The following RBM38 variants were observed in gnomAD, a reference collection of about 807,000 sequenced individuals.
RBM38 encodes the protein RNA-binding protein 38.
A neutral mutation model predicts 23.5 loss-of-function variants in RBM38; 11 were observed. The ratio of observed to expected loss-of-function variants is 0.47; its 90% confidence interval spans 0.29 to 0.77. The LOEUF (loss-of-function observed/expected upper bound fraction) is 0.77, where lower values mean the gene tolerates loss of function less well. Ranked by LOEUF, RBM38 falls within the 30% of genes least tolerant of loss-of-function variation. The pLI, the probability that RBM38 is intolerant of heterozygous loss-of-function variation, is 0.08. For synonymous variants in RBM38, 165 were observed against 166.1 expected (o/e 0.99, Z 0.05); for missense variants, 330 against 351.9 (o/e 0.94, Z 0.50).
intron 1 of RBM38, chr20:57,392,314 G>C (rs2067228116): frequency 1.2e-6 from 1 of 857,668 alleles, no homozygotes; most frequent in African/African-American, 1.7e-5. Context: ...CTTCTCAGAG[G>C]AAAGTCTCGG....
At chr20:57,404,825 G>A (rs1600757737) in intron 3 of RBM38, among the ~76,000 whole-genome samples, 2 of 152,256 alleles carry the variant, frequency 1.3e-5, no homozygotes, top group African/African-American at 2.4e-5. Flanking sequence ...AAGGGCTCCA[G>A]GCAGAGGCAT....
rs984276113 is a variant in RBM38, at chr20:57,408,417, C to G, written c.*571C>G. On this transcript the variant is annotated 3_prime_UTR_variant, in exon 4 of 4. Transcript: ENST00000356208. Reference sequence around the variant, plus strand: ...GGCTTCCTCAAGCCCGGAGGAGCTCCCAGGCGCACAGGGGCCGCCGGTAAC... The same window carrying G: ...GGCTTCCTCAAGCCCGGAGGAGCTCGCAGGCGCACAGGGGCCGCCGGTAAC... The G allele has an allele frequency of 6.5e-6, 1 of 154,612 alleles. No homozygotes were observed. The highest frequency in any genetic ancestry group is 2.4e-5 in the African/African-American group (1 of 41,488). The allele number at this position is 154,612 out of a possible 1,614,324, so 9.6% of individuals were successfully genotyped here.
chr20:57,407,173 T>C lies in RBM38; in HGVS notation c.417-370T>C, dbSNP rs535015612. ...CCAGGACATTCGTACCGGGCCCTGC[T>C]CTTGATCGCATGCTCCGCCGTCGTG... On this transcript the variant is annotated intron_variant, in intron 3 of 3. Transcript: ENST00000356208. The surrounding 1 kb of genome is among the most constrained non-coding windows in gnomAD (Gnocchi z 4.0). 3.3e-5 allele frequency among the ~76,000 whole-genome samples: 5 copies of C among 152,228 alleles called. No homozygotes were observed. The East Asian group carries it at 9.7e-4, about 29-fold the overall frequency.
At chr20:57,402,638 TGTGA>T (rs1420189941) in intron 3 of RBM38, among the ~76,000 whole-genome samples, 2 of 152,238 alleles carry the variant, frequency 1.3e-5, no homozygotes, top group Non-Finnish European at 2.9e-5. Flanking sequence ...GAGCATGGCG[TGTGA>T]GTGGGGATGC....
In RBM38 at chr20:57,408,076, G is replaced by C. The variant is rs1838237734; in HGVS notation, c.*230G>C. 1.7e-6 allele frequency: 1 copy of C among 602,096 alleles called. No individual in the cohort carries two copies. The highest frequency in any genetic ancestry group is 2.9e-6 in the Non-Finnish European group (1 of 342,394). The allele number at this position is 602,096 out of a possible 1,614,324, so 37.3% of individuals were successfully genotyped here. A position where few individuals can be genotyped will look rare whatever the true frequency, so the allele number is the denominator to read the frequency against. ...GAGGGAGGACTTTAAGAATGACTGA[G>C]AACTATTTAAAGACGCAATCCCAGG... is the stretch of plus-strand genomic sequence containing the variant. On this transcript the variant is annotated 3_prime_UTR_variant, in exon 4 of 4. Transcript: ENST00000356208.
intron 3 of RBM38, among the ~76,000 whole-genome samples, chr20:57,402,105 G>A (rs1211839396): frequency 1.3e-5 from 2 of 152,102 alleles, no homozygotes; most frequent in African/African-American, 2.4e-5. Flanking sequence ...GCACCACCAC[G>A]CCCAGCTATT....
chr20:57,392,459 G>A, intron 1 of RBM38, 195 bp from the exon 2 acceptor site: 1 of 1,532,990 alleles, frequency 6.5e-7, no homozygotes, highest in Non-Finnish European at 8.7e-7. Context: ...GGAGGAGCTG[G>A]AATCCAGGAG....
In RBM38 at chr20:57,397,904, G is replaced by A. The variant is rs2067290647; in HGVS notation, c.416+4571G>A. ...AAGCTGGCGGAATGAGTGCCTGCGT[G>A]GGGACGGAACAGTTCCGCGTCTCGA... On this transcript the variant is annotated intron_variant, in intron 3 of 3. Transcript: ENST00000356208. Among the ~76,000 whole-genome samples, 5 of 152,236 alleles carry A rather than the reference G, an allele frequency of 3.3e-5. No individual in the cohort carries two copies. In the South Asian group the frequency reaches 6.2e-4, roughly 19 times the overall value.
intron 3 of RBM38, chr20:57,399,842 G>A: frequency 2.2e-6 from 1 of 455,676 alleles, no homozygotes; most frequent in East Asian, 6.9e-5. Context: ...AAGAGCTGCG[G>A]TCCGTCTCTG....
rs570074191 is a variant in RBM38, at chr20:57,402,152, G to A, written c.417-5391G>A. ...AGTAGAGATGGGGTTTCACCGTGTTGGCCAGGATGGTCTCAATCTCCTGAC... is the reference window on the plus strand; with the variant it reads ...AGTAGAGATGGGGTTTCACCGTGTTAGCCAGGATGGTCTCAATCTCCTGAC... On this transcript the variant is annotated intron_variant, in intron 3 of 3. Coordinates refer to ENST00000356208, the MANE Select transcript of RBM38 (RefSeq NM_017495.6). Among the ~76,000 whole-genome samples the A allele has an allele frequency of 5.3e-5, 8 of 152,116 alleles. No individual in the cohort carries two copies. In the South Asian group the frequency reaches 1.7e-3, roughly 32 times the overall value.
chr20:57,402,725 G>A (rs1486087036), intron 3 of RBM38, among the ~76,000 whole-genome samples: 1 of 152,264 alleles, frequency 6.6e-6, no homozygotes, highest in Non-Finnish European at 1.5e-5. Context: ...CGGCCGGGGC[G>A]GGGCCGCCCT....
chr20:57,405,049 C>A (rs1485962461), intron 3 of RBM38, among the ~76,000 whole-genome samples: 1 of 152,238 alleles, frequency 6.6e-6, no homozygotes, highest in Non-Finnish European at 1.5e-5. Context: ...CTGCCTCCGC[C>A]CTTGTGCCGC....
At position 57,395,832 on chromosome 20, in the gene RBM38, C is replaced by T. The variant is rs73616203; in HGVS notation, c.416+2499C>T. 5.9e-5 allele frequency among the ~76,000 whole-genome samples: 9 copies of T among 152,314 alleles called. No homozygotes were observed. The East Asian group carries it at 1.2e-3, about 20-fold the overall frequency. On this transcript the variant is annotated intron_variant, in intron 3 of 3. Transcript: ENST00000356208. ...TTTGTCTTTGTGAACAATCAGGCCC[C>T]GGGAGCACAGCCGGGCCTGACTCAG...
At chr20:57,405,772 G>T (rs1317881546) in intron 3 of RBM38, among the ~76,000 whole-genome samples, 1 of 151,712 alleles carries the variant, frequency 6.6e-6, no homozygotes, top group Non-Finnish European at 1.5e-5. Context: ...AGCTCGCAGG[G>T]CTCCTCTCTG....
At chr20:57,402,361 G>A (rs2067337262) in intron 3 of RBM38, among the ~76,000 whole-genome samples, 1 of 152,242 alleles carries the variant, frequency 6.6e-6, no homozygotes, top group South Asian at 2.1e-4. Context: ...AGGAGAGGGA[G>A]GATCGGAGAA....
chr20:57,392,430 C>T (rs1318122755), intron 1 of RBM38: 13 of 1,529,760 alleles, frequency 8.5e-6, no homozygotes, highest in Non-Finnish European at 1.1e-5. Context: ...CCACATTTCC[C>T]AGGCCTTGAA....
intron 3 of RBM38, among the ~76,000 whole-genome samples, chr20:57,393,702 C>T (rs1184777029): frequency 6.6e-6 from 1 of 152,224 alleles, no homozygotes; most frequent in Non-Finnish European, 1.5e-5. Flanking sequence ...GCTGATGACT[C>T]TTAGGGACTG....
rs1373178474 is a variant in RBM38, at chr20:57,391,429, CGCGGCGCACG to C, written c.-152_-143del. ...CCCGCAGCGCCGGTCGGGAGCGCAG[CGCGGCGCACG>C]TCGGCGCGCACGGCGGGACGGGCGC... On this transcript the variant is annotated 5_prime_UTR_variant, in exon 1 of 4. Transcript: ENST00000356208. The C allele has an allele frequency of 4.7e-5, 7 of 148,334 alleles. No individual in the cohort carries two copies. The East Asian group carries it at 5.8e-4, about 12-fold the overall frequency. 9.2% of individuals were successfully genotyped at this position (148,334 alleles called of 1,614,324 possible).
At chr20:57,394,630 C>T (rs1038385761) in intron 3 of RBM38, among the ~76,000 whole-genome samples, 2 of 152,036 alleles carry the variant, frequency 1.3e-5, no homozygotes, top group African/African-American at 2.4e-5. Context: ...CTGTCCGTCT[C>T]GTCCTGGAAT....
Sources: gnomAD v4.1 joint callset for allele counts (sites outside exome capture counted in the v4.1 genomes callset) on GRCh38, gnomAD v4.1.1 for gene constraint, Gnocchi (gnomAD v3.1) non-coding constraint, MANE v1.5 for transcripts, NCBI Gene and HGNC (gene_info 2026-07-23, HGNC 2026-07-21) for gene names.